The following MAGI2 variants were observed in gnomAD, a reference collection of about 807,000 sequenced individuals.
The protein encoded by MAGI2 is membrane-associated guanylate kinase, WW and PDZ domain-containing protein 2.
MAGI2 carries 35 observed loss-of-function variants against 133.3 expected under a neutral mutation model. The ratio of observed to expected loss-of-function variants is 0.26; its 90% confidence interval spans 0.20 to 0.35. The LOEUF (loss-of-function observed/expected upper bound fraction) is 0.35, where lower values mean the gene tolerates loss of function less well. Ranked by LOEUF, MAGI2 falls within the 10% of genes least tolerant of loss-of-function variation. MAGI2 has a pLI of 1.00. For synonymous variants in MAGI2, 729 were observed against 710.6 expected (o/e 1.03, Z -0.41); for missense variants, 1,636 against 1,863.4 (o/e 0.88, Z 2.25).
chr7:78,441,109 C>T (rs904790287), intron 6 of MAGI2, among the ~76,000 whole-genome samples: 5 of 152,156 alleles, frequency 3.3e-5, no homozygotes, highest in Non-Finnish European at 7.3e-5. Context: ...AATTATAATT[C>T]ATGGTGTAAT....
At chr7:78,483,747 A>G (rs970385078) in intron 6 of MAGI2, among the ~76,000 whole-genome samples, 2 of 152,002 alleles carry the variant, frequency 1.3e-5, no homozygotes, top group African/African-American at 4.8e-5. Context: ...AAATGTTGCT[A>G]AAGCACATCA....
At chr7:78,900,251 C>T (rs1173743983) in intron 2 of MAGI2, among the ~76,000 whole-genome samples, 2 of 152,160 alleles carry the variant, frequency 1.3e-5, no homozygotes, top group African/African-American at 4.8e-5. Context: ...ACCTTCAGTA[C>T]ATATTTTTGC....
intron 1 of MAGI2, among the ~76,000 whole-genome samples, chr7:79,281,563 C>A (rs1835644308): frequency 6.6e-6 from 1 of 151,892 alleles, no homozygotes; most frequent in African/African-American, 2.4e-5. Flanking sequence ...CAAAAGTCTG[C>A]AATACTACAA....
chr7:79,203,294 A>G (rs1278693664), intron 1 of MAGI2, among the ~76,000 whole-genome samples: 3 of 151,982 alleles, frequency 2.0e-5, no homozygotes, highest in African/African-American at 7.3e-5. Context: ...TCTTTTCTAA[A>G]CACAAAGTAG....
intron 3 of MAGI2, among the ~76,000 whole-genome samples, chr7:78,626,278 C>G (rs765244282): frequency 1.3e-5 from 2 of 151,928 alleles, no homozygotes; most frequent in African/African-American, 2.4e-5. Context: ...TATATATATA[C>G]ACAGATACAT....
intron 7 of MAGI2, among the ~76,000 whole-genome samples, chr7:78,360,178 G>A (rs1792629168): frequency 6.6e-6 from 1 of 152,166 alleles, no homozygotes; most frequent in Non-Finnish European, 1.5e-5. Context: ...GTTTGACTAA[G>A]TTCCTTCATA....
At chr7:78,065,485 T>C in intron 21 of MAGI2, 1 of 582,122 alleles carries the variant, frequency 1.7e-6, no homozygotes, top group South Asian at 2.4e-5. Flanking sequence ...CAAGCTACTA[T>C]GAAAGAGAAA....
chr7:79,144,102 C>T (rs1822391647), intron 1 of MAGI2, among the ~76,000 whole-genome samples: 1 of 152,198 alleles, frequency 6.6e-6, no homozygotes, highest in African/African-American at 2.4e-5. Flanking sequence ...ATTGTACTTA[C>T]CTCATTGTTT....
intron 1 of MAGI2, among the ~76,000 whole-genome samples, chr7:79,190,393 C>A (rs2129551102): frequency 6.6e-6 from 1 of 151,956 alleles, no homozygotes; most frequent in Admixed American, 6.6e-5. Flanking sequence ...AGCATCGTTT[C>A]ATATGCTTAT....
At chr7:79,434,634 T>C (rs897477938) in intron 1 of MAGI2, among the ~76,000 whole-genome samples, 1 of 152,208 alleles carries the variant, frequency 6.6e-6, no homozygotes, top group Admixed American at 6.5e-5. Flanking sequence ...AAAGAAATTA[T>C]ACCAATTGTT....
intron 1 of MAGI2, among the ~76,000 whole-genome samples, chr7:79,121,070 C>A (rs969189743): frequency 6.6e-6 from 1 of 152,058 alleles, no homozygotes; most frequent in Non-Finnish European, 1.5e-5. Flanking sequence ...CACATTTCTT[C>A]TATAACTTTT....
At chr7:78,200,662 C>T (rs1322656748) in intron 11 of MAGI2, among the ~76,000 whole-genome samples, 1 of 151,952 alleles carries the variant, frequency 6.6e-6, no homozygotes, top group Non-Finnish European at 1.5e-5. Flanking sequence ...TTTATATATA[C>T]ACATATATAC....
intron 20 of MAGI2, among the ~76,000 whole-genome samples, chr7:78,125,025 G>A (rs1052094942): frequency 6.6e-6 from 1 of 151,970 alleles, no homozygotes; most frequent in Non-Finnish European, 1.5e-5. Flanking sequence ...CACCACGCCT[G>A]GCTAATTTTT....
intron 2 of MAGI2, among the ~76,000 whole-genome samples, chr7:78,710,335 A>G (rs1170350002): frequency 6.6e-6 from 1 of 152,120 alleles, no homozygotes; most frequent in Non-Finnish European, 1.5e-5. Flanking sequence ...GAGTCCAAGT[A>G]CCCTGGGGAT....
At chr7:79,316,992 A>T (rs989120013) in intron 1 of MAGI2, among the ~76,000 whole-genome samples, 3 of 151,526 alleles carry the variant, frequency 2.0e-5, no homozygotes, top group African/African-American at 7.3e-5. Flanking sequence ...GTAGAAAAAA[A>T]AATGTAGGGT....
intron 10 of MAGI2, 150 bp downstream of exon 10, chr7:78,255,789 CCTTT>C: frequency 1.3e-6 from 1 of 770,236 alleles, no homozygotes; most frequent in East Asian, 2.7e-5. Context: ...AACAAAGTTT[CCTTT>C]AATTCATGTT....
intron 16 of MAGI2, among the ~76,000 whole-genome samples, chr7:78,148,933 T>A (rs1371925809): frequency 6.6e-6 from 1 of 152,106 alleles, no homozygotes; most frequent in Non-Finnish European, 1.5e-5. Flanking sequence ...ATCATCAGAC[T>A]CGTCTTAGAA....
At chr7:79,308,360 G>T (rs73154978) in intron 1 of MAGI2, among the ~76,000 whole-genome samples, 19,895 of 115,234 alleles carry the variant, frequency 0.17, 1,483 homozygotes, top group South Asian at 0.36. Context: ...AAAACAGAAG[G>T]TGTATAGCTT....
At position 79,437,341 on chromosome 7, in the gene MAGI2, T is replaced by C. The variant is rs188154551; in HGVS notation, c.301+15679A>G. Among the ~76,000 whole-genome samples, 331 of 152,140 alleles carry C rather than the reference T, an allele frequency of 2.2e-3. 3 individuals carry two copies. The highest frequency in any genetic ancestry group is 7.3e-3 in the African/African-American group (303 of 41,536). ...ACCTGTAGCAGAATCTAAAATAAAA[T>C]TTGAAATTTTTTAAAAGAAGATATT... On this transcript the variant is annotated intron_variant, in intron 1 of 21. Coordinates refer to ENST00000354212, the MANE Select transcript of MAGI2 (RefSeq NM_012301.4).
Sources: gnomAD v4.1 joint callset for allele counts (sites outside exome capture counted in the v4.1 genomes callset) on GRCh38, gnomAD v4.1.1 for gene constraint, MANE v1.5 for transcripts, NCBI Gene and HGNC (gene_info 2026-07-23, HGNC 2026-07-21) for gene names.